Variants in LRP1B observed in about 807,000 individuals in gnomAD.
LRP1B encodes the protein LDL receptor related protein 1B.
A neutral mutation model predicts 556.6 loss-of-function variants in LRP1B; 217 were observed. The ratio of observed to expected loss-of-function variants is 0.39; its 90% CI spans 0.35 to 0.44. The LOEUF (loss-of-function observed/expected upper bound fraction) is 0.44, where lower values mean the gene tolerates loss of function less well. LRP1B is among the 20% of genes least tolerant of loss of function. The pLI, the probability that LRP1B is intolerant of heterozygous loss-of-function variation, is 1.00. For synonymous variants in LRP1B, 2,047 were observed against 1,865.8 expected (o/e 1.10, Z -2.50); for missense variants, 5,053 against 5,620.8 (o/e 0.90, Z 3.23).
chr2:142,009,865 AC>A (rs1217927921), intron 1 of LRP1B, among the ~76,000 whole-genome samples: 2 of 152,026 alleles, frequency 1.3e-5, no homozygotes, highest in African/African-American at 2.4e-5. Flanking sequence ...GTGTATGTAC[AC>A]AAGTGTATGG....
At chr2:141,782,891 G>A (rs558008514) in intron 2 of LRP1B, among the ~76,000 whole-genome samples, 1 of 152,096 alleles carries the variant, frequency 6.6e-6, no homozygotes, top group East Asian at 1.9e-4. Context: ...AAGAGCTGGG[G>A]ATGCTTTTTC....
chr2:140,582,663 C>T (rs575196308), intron 43 of LRP1B, among the ~76,000 whole-genome samples: 17 of 152,064 alleles, frequency 1.1e-4, no homozygotes, highest in Non-Finnish European at 1.9e-4. Flanking sequence ...AATAAAGCAC[C>T]GTCTATGAGA....
At chr2:141,479,659 T>C (rs912019560) in intron 3 of LRP1B, among the ~76,000 whole-genome samples, 1 of 152,176 alleles carries the variant, frequency 6.6e-6, no homozygotes, top group African/African-American at 2.4e-5. Flanking sequence ...CTGATTCACT[T>C]GACTGATACC....
intron 41 of LRP1B, among the ~76,000 whole-genome samples, chr2:140,656,279 T>A (rs182249927): frequency 3.8e-4 from 58 of 152,294 alleles, no homozygotes; most frequent in African/African-American, 1.3e-3. Context: ...TGGACATTTT[T>A]TGTCTTATTT....
At chr2:141,183,103 T>C (rs1466216177) in intron 7 of LRP1B, among the ~76,000 whole-genome samples, 1 of 151,990 alleles carries the variant, frequency 6.6e-6, no homozygotes, top group Non-Finnish European at 1.5e-5. Flanking sequence ...GAGCAATCTC[T>C]GTATTTAATT....
At chr2:141,464,604 A>ATTTTTTTTTTTTT (rs1415837703) in intron 3 of LRP1B, among the ~76,000 whole-genome samples, 1 of 72,796 alleles carries the variant, frequency 1.4e-5, no homozygotes, top group African/African-American at 5.4e-5. Flanking sequence ...ATATATATAT[A>ATTTTTTTTTTTTT]TATTTTTTTA....
intron 84 of LRP1B, among the ~76,000 whole-genome samples, chr2:140,292,263 G>C (rs1196097839): frequency 6.6e-6 from 1 of 152,128 alleles, no homozygotes; most frequent in East Asian, 1.9e-4. Context: ...GTGAGCATTT[G>C]TTGAAAGGAT....
chr2:140,403,129 A>C (rs933668492), intron 66 of LRP1B, among the ~76,000 whole-genome samples: 1 of 152,194 alleles, frequency 6.6e-6, no homozygotes, highest in Non-Finnish European at 1.5e-5. Context: ...AAAGAAAAAA[A>C]ATGGTCAAAT....
rs1480917848 is a variant in LRP1B at position 140,359,701 on chromosome 2, T to C, written c.11132-755A>G. On this transcript the variant is annotated intron_variant, in intron 72 of 90. Coordinates refer to ENST00000389484, the MANE Select transcript of LRP1B (RefSeq NM_018557.3). ...GCTTAGTTATGTTTATTCACTCTCA[T>C]TGATTTACTACATCCTGAAGACTTT... 7.9e-5 allele frequency among the ~76,000 whole-genome samples: 12 copies of C among 151,634 alleles called. 1 individual carries two copies. The highest frequency in any genetic ancestry group is 2.4e-4 in the African/African-American group (10 of 41,400).
intron 1 of LRP1B, among the ~76,000 whole-genome samples, chr2:141,953,029 T>A (rs1025749020): frequency 6.6e-6 from 1 of 152,040 alleles, no homozygotes; most frequent in African/African-American, 2.4e-5. Context: ...AAGAAATTCA[T>A]TTTTTTAATG....
At chr2:140,730,461 A>G (rs1687739744) in intron 35 of LRP1B, among the ~76,000 whole-genome samples, 1 of 152,100 alleles carries the variant, frequency 6.6e-6, no homozygotes, top group South Asian at 2.1e-4. Flanking sequence ...ACACATATAT[A>G]AGACATGAAC....
chr2:140,433,385 A>G (rs1485226377), intron 66 of LRP1B, among the ~76,000 whole-genome samples: 1 of 152,196 alleles, frequency 6.6e-6, no homozygotes, highest in Non-Finnish European at 1.5e-5. Flanking sequence ...AGCGTGAGCC[A>G]CTGTGCCTGA....
intron 35 of LRP1B, among the ~76,000 whole-genome samples, chr2:140,723,397 G>A (rs576272837): frequency 3.3e-5 from 5 of 152,116 alleles, no homozygotes; most frequent in African/African-American, 1.2e-4. Flanking sequence ...GTGCAACATG[G>A]GCAAGGAAAA....
intron 18 of LRP1B, among the ~76,000 whole-genome samples, chr2:140,979,936 C>T (rs1265507366): frequency 2.0e-5 from 3 of 151,952 alleles, no homozygotes; most frequent in African/African-American, 4.8e-5. Flanking sequence ...TAGAAAGATA[C>T]GTGTCTGGCA....
chr2:140,404,098 C>T (rs1684624314), intron 66 of LRP1B, among the ~76,000 whole-genome samples: 1 of 150,998 alleles, frequency 6.6e-6, no homozygotes, highest in African/African-American at 2.4e-5. Flanking sequence ...ACCAAGTCAG[C>T]ACTACAAGAA....
intron 66 of LRP1B, among the ~76,000 whole-genome samples, chr2:140,400,609 A>G (rs1436871745): frequency 1.3e-5 from 2 of 152,200 alleles, no homozygotes; most frequent in East Asian, 3.9e-4. Flanking sequence ...TGAAGGTGGC[A>G]GACTGGAAGC....
Position 140,716,832 on chromosome 2 carries a change from AG to A in LRP1B, c.5759-17del, listed in dbSNP as rs1378864024. ...GTATCATTTTCTATGGATAAGACACAGAAAAAAAATACATATACACACACTG... is the reference window on the plus strand; with the variant it reads ...GTATCATTTTCTATGGATAAGACACAAAAAAAAATACATATACACACACTG... On this transcript the variant is annotated splice_polypyrimidine_tract_variant and intron_variant, in intron 35 of 90. Coordinates refer to ENST00000389484, the MANE Select transcript of LRP1B (RefSeq NM_018557.3). The A allele has an allele frequency of 6.8e-7, 1 of 1,470,660 alleles. No individual in the cohort carries two copies. The highest frequency in any genetic ancestry group is 1.5e-5 in the African/African-American group (1 of 65,476). The allele number at this position is 1,470,660 out of a possible 1,614,324, so 91.1% of individuals were successfully genotyped here.
intron 1 of LRP1B, among the ~76,000 whole-genome samples, chr2:141,996,381 C>T (rs1702491700): frequency 7.2e-6 from 1 of 138,300 alleles, no homozygotes; most frequent in African/African-American, 2.7e-5. Flanking sequence ...TCATCCTGAC[C>T]TCCCCTAATA....
rs964419817 is a variant in LRP1B at position 140,481,308 on chromosome 2, A to T, written c.9425+4035T>A. Among the ~76,000 whole-genome samples the T allele has an allele frequency of 2.6e-5, 4 of 152,030 alleles. No individual in the cohort carries two copies. The East Asian group carries it at 7.7e-4, about 29-fold the overall frequency. ...GTTTATGATCCACAATTATTTTGTT[A>T]CTGGAAACTCTGACATGATGTAATA... On this transcript the variant is annotated intron_variant, in intron 59 of 90. Coordinates refer to ENST00000389484, the MANE Select transcript of LRP1B (RefSeq NM_018557.3).
Sources: allele counts gnomAD v4.1 joint callset (sites outside exome capture counted in the v4.1 genomes callset), GRCh38; gene constraint gnomAD v4.1.1; transcripts MANE v1.5; gene names NCBI Gene and HGNC (gene_info 2026-07-23, HGNC 2026-07-21).